SPMIP4: variants seen among roughly 807,000 people sequenced by gnomAD.
The protein encoded by SPMIP4 is sperm-associated microtubule inner protein 4.
At chr7:25,148,910 A>G in the SPMIP4 span, among the ~76,000 whole-genome samples, 2 of 152,258 alleles carry the variant, frequency 1.3e-5, no homozygotes, top group Non-Finnish European at 2.9e-5. Context: ...TGCCGCCGCC[A>G]GGTGGTGGAA....
the SPMIP4 span, among the ~76,000 whole-genome samples, chr7:25,169,590 G>C: frequency 2.0e-5 from 3 of 151,978 alleles, no homozygotes; most frequent in African/African-American, 7.3e-5. Context: ...GTTTTTTTGA[G>C]ATGGAGTTTC....
chr7:25,149,740 T>TTATAAATTTATAGTATTTTATACTTATA, the SPMIP4 span, among the ~76,000 whole-genome samples: 1 of 152,198 alleles, frequency 6.6e-6, no homozygotes, highest in Non-Finnish European at 1.5e-5. Flanking sequence ...GGAGTAATAA[T>TTATAAATTTATAGTATTTTATACTTATA]AATGCCTTAT....
At chr7:25,135,082 CTA>C in the SPMIP4 span, 1 of 422,080 alleles carries the variant, frequency 2.4e-6, no homozygotes, top group East Asian at 1.6e-4. Flanking sequence ...CCACGATAGA[CTA>C]TGTTTAAAAT....
chr7:25,166,244 T>TTTTTTA, the SPMIP4 span, among the ~76,000 whole-genome samples: 6 of 149,558 alleles, frequency 4.0e-5, no homozygotes, highest in Admixed American at 2.0e-4. Flanking sequence ...TTTTTTTTTT[T>TTTTTTA]GAGACGGAGT....
At chr7:25,131,960 C>T in the SPMIP4 span, among the ~76,000 whole-genome samples, 2 of 152,160 alleles carry the variant, frequency 1.3e-5, no homozygotes, top group Non-Finnish European at 2.9e-5. The surrounding 1 kb of genome is among the most constrained non-coding windows in gnomAD (Gnocchi z 4.2). Flanking sequence ...CGGCGGCAAA[C>T]AGCAGTGGTG....
At chr7:25,178,213 G>C in the SPMIP4 span, among the ~76,000 whole-genome samples, 3 of 152,270 alleles carry the variant, frequency 2.0e-5, no homozygotes, top group Non-Finnish European at 4.4e-5. Context: ...AACCACTGAT[G>C]GTCATTTATG....
chr7:25,178,282 T>C, the SPMIP4 span, among the ~76,000 whole-genome samples: 1 of 152,236 alleles, frequency 6.6e-6, no homozygotes, highest in Non-Finnish European at 1.5e-5. Context: ...TGTGCATGTG[T>C]CTTTATGGTA....
the SPMIP4 span, among the ~76,000 whole-genome samples, chr7:25,137,138 A>G: frequency 6.6e-6 from 1 of 152,100 alleles, no homozygotes; most frequent in Non-Finnish European, 1.5e-5. Flanking sequence ...GTGTGCAGTT[A>G]TTTAATCTCA....
the SPMIP4 span, among the ~76,000 whole-genome samples, chr7:25,167,743 T>C: frequency 3.9e-5 from 6 of 152,220 alleles, no homozygotes; most frequent in Non-Finnish European, 5.9e-5. Context: ...AAGTGTATGA[T>C]AGACTCTGCT....
the SPMIP4 span, among the ~76,000 whole-genome samples, chr7:25,152,748 C>CTTTTTT: frequency 8.3e-6 from 1 of 120,392 alleles, no homozygotes; most frequent in African/African-American, 3.2e-5. Context: ...CGTTGTCTCT[C>CTTTTTT]TTTTTTTTTT....
chr7:25,164,326 T>A, the SPMIP4 span, among the ~76,000 whole-genome samples: 1 of 152,184 alleles, frequency 6.6e-6, no homozygotes, highest in Non-Finnish European at 1.5e-5. Flanking sequence ...AATGATGTGG[T>A]AATTTTGGGC....
the SPMIP4 span, chr7:25,142,860 G>C: frequency 7.5e-7 from 1 of 1,337,498 alleles, no homozygotes; most frequent in Non-Finnish European, 1.0e-6. Context: ...TCATCTAGTA[G>C]AATAAGACCT....
chr7:25,131,075 T>A, the SPMIP4 span, among the ~76,000 whole-genome samples: 30 of 152,322 alleles, frequency 2.0e-4, no homozygotes, highest in Admixed American at 4.6e-4. The surrounding 1 kb of genome is among the most constrained non-coding windows in gnomAD (Gnocchi z 4.2). Flanking sequence ...TTCACGCACA[T>A]TACTGCCTGA....
the SPMIP4 span, among the ~76,000 whole-genome samples, chr7:25,177,261 T>A: frequency 1.3e-5 from 2 of 152,066 alleles, no homozygotes; most frequent in Non-Finnish European, 2.9e-5. Context: ...GGCGGATGGA[T>A]CACGAGGTCA....
At chr7:25,138,817 G>A in the SPMIP4 span, among the ~76,000 whole-genome samples, 4 of 152,138 alleles carry the variant, frequency 2.6e-5, no homozygotes, top group Non-Finnish European at 4.4e-5. This position sits in a 1 kb window ranked among gnomAD's most constrained non-coding sequence, Gnocchi z 6.2. Flanking sequence ...AATTTTCAAC[G>A]AGCATTTCAG....
chr7:25,178,204 A>G, the SPMIP4 span, among the ~76,000 whole-genome samples: 1 of 152,292 alleles, frequency 6.6e-6, no homozygotes, highest in African/African-American at 2.4e-5. Context: ...TATCCAGTCA[A>G]CCACTGATGG....
At chr7:25,146,097 C>T in the SPMIP4 span, among the ~76,000 whole-genome samples, 1 of 152,062 alleles carries the variant, frequency 6.6e-6, no homozygotes. Flanking sequence ...CATTTTTACA[C>T]TAACAGGTTA....
the SPMIP4 span, chr7:25,134,673 G>A: frequency 3.2e-3 from 3,153 of 985,952 alleles, 41 homozygotes; most frequent in African/African-American, 0.039. Flanking sequence ...AACTCTAGGA[G>A]TGCAATCAAA....
the SPMIP4 span, chr7:25,179,284 A>AG: frequency 3.1e-6 from 5 of 1,613,124 alleles, no homozygotes; most frequent in Non-Finnish European, 4.2e-6. Context: ...CTGCAACAGT[A>AG]GGGCCTGCCG....
Sources: gnomAD v4.1 joint callset for allele counts (sites outside exome capture counted in the v4.1 genomes callset) on GRCh38, gnomAD v4.1.1 for gene constraint, Gnocchi (gnomAD v3.1) non-coding constraint, MANE v1.5 for transcripts, NCBI Gene and HGNC (gene_info 2026-07-23, HGNC 2026-07-21) for gene names.